TMEM132D: variants seen among roughly 807,000 people sequenced by gnomAD.
TMEM132D encodes the protein mature OL transmembrane protein.
In TMEM132D, 21 loss-of-function variants were observed where a neutral mutation model predicts 62.3. The ratio of observed to expected loss-of-function variants is 0.34; its 90% confidence interval spans 0.24 to 0.49. The LOEUF (loss-of-function observed/expected upper bound fraction) is 0.49, where lower values mean the gene tolerates loss of function less well. TMEM132D is among the 20% of genes least tolerant of loss of function. The pLI is 0.99. For synonymous variants in TMEM132D, 621 were observed against 575.6 expected (o/e 1.08, Z -1.13); for missense variants, 1,346 against 1,402.8 (o/e 0.96, Z 0.65).
Position 129,106,391 on chromosome 12 carries a change from A to G in TMEM132D, c.1444-21689T>C, listed in dbSNP as rs955302450. On this transcript the variant is annotated intron_variant, in intron 5 of 8. Transcript: ENST00000422113. ...TGTAACTAACCTGCACATTGTGCAC[A>G]TGTACCCTAAAACTTAAAGTATAAT... Among the ~76,000 whole-genome samples the G allele has an allele frequency of 1.1e-4, 16 of 152,152 alleles. No individual in the cohort carries two copies. The South Asian group carries it at 3.3e-3, about 32-fold the overall frequency.
chr12:129,742,187 T>C, intron 1 of TMEM132D, among the ~76,000 whole-genome samples: 1 of 152,210 alleles, frequency 6.6e-6, no homozygotes. Context: ...TGTTAGTCCA[T>C]TTTGCACTGC....
chr12:129,597,017 G>A (rs1029271161), intron 2 of TMEM132D, among the ~76,000 whole-genome samples: 1 of 152,204 alleles, frequency 6.6e-6, no homozygotes, highest in Non-Finnish European at 1.5e-5. Flanking sequence ...GCAGGTGAGA[G>A]TGTGAATACA....
chr12:129,510,062 G>A (rs2137073224), intron 3 of TMEM132D, among the ~76,000 whole-genome samples: 1 of 152,222 alleles, frequency 6.6e-6, no homozygotes, highest in Non-Finnish European at 1.5e-5. Flanking sequence ...CTGCATAGTG[G>A]CTGTATTGAT....
At position 129,831,858 on chromosome 12, in the gene TMEM132D, TTTTC is replaced by T. The variant is rs777951688; in HGVS notation, c.79+71399_79+71402del. ...GTTGAAGCATTTTTTTTTCTTTTCT[TTTTC>T]TTTCTTTCTTTTTCTTTTTTTTTTT... On this transcript the variant is annotated intron_variant, in intron 1 of 8. Transcript: ENST00000422113. Among the ~76,000 whole-genome samples the T allele has an allele frequency of 8.3e-4, 114 of 137,092 alleles. 1 individual carries two copies. The highest frequency in any genetic ancestry group is 2.3e-3 in the African/African-American group (89 of 39,006). The allele number at this position is 137,092 out of a possible 152,430, so 89.9% of individuals were successfully genotyped here. A position where few individuals can be genotyped will look rare whatever the true frequency, so the allele number is the denominator to read the frequency against.
Position 129,373,619 on chromosome 12 carries a change from G to A in TMEM132D, c.1116-35802C>T, listed in dbSNP as rs368063251. On this transcript the variant is annotated intron_variant, in intron 3 of 8. Transcript: ENST00000422113. Reference sequence around the variant, plus strand: ...TGCACTCCAGCCTGGGCAACAGAGCGAGACTTGTCTCAAACAAACAAAACA... The same window carrying A: ...TGCACTCCAGCCTGGGCAACAGAGCAAGACTTGTCTCAAACAAACAAAACA... Among the ~76,000 whole-genome samples the A allele has an allele frequency of 4.1e-4, 62 of 152,156 alleles. No individual in the cohort carries two copies. The East Asian group carries it at 4.6e-3, about 11-fold the overall frequency.
At chr12:129,160,590 T>G (rs1877373777) in intron 5 of TMEM132D, among the ~76,000 whole-genome samples, 1 of 152,228 alleles carries the variant, frequency 6.6e-6, no homozygotes, top group Admixed American at 6.5e-5. Flanking sequence ...TAGTAGTGTT[T>G]GAACCCATGT....
chr12:129,818,560 GTATGTGTGTA>G (rs1288172833), intron 1 of TMEM132D, among the ~76,000 whole-genome samples: 2 of 146,034 alleles, frequency 1.4e-5, no homozygotes, highest in African/African-American at 5.1e-5. Flanking sequence ...GTGGTGAGGT[GTATGTGTGTA>G]TGTGTATGTG....
chr12:129,143,242 G>A (rs1876794234), intron 5 of TMEM132D, among the ~76,000 whole-genome samples: 1 of 152,046 alleles, frequency 6.6e-6, no homozygotes, highest in Non-Finnish European at 1.5e-5. Flanking sequence ...TTGCTAGAGT[G>A]GCTCACAAAA....
At chr12:129,504,883 T>C (rs759955254) in intron 3 of TMEM132D, among the ~76,000 whole-genome samples, 42 of 152,342 alleles carry the variant, frequency 2.8e-4, no homozygotes, top group Non-Finnish European at 3.5e-4. Context: ...CTGCCTTTGC[T>C]GTATCCCACA....
intron 2 of TMEM132D, among the ~76,000 whole-genome samples, chr12:129,583,048 T>A (rs1877922233): frequency 6.6e-6 from 1 of 152,224 alleles, no homozygotes. Flanking sequence ...GACTTTGTGA[T>A]CTGCCCACCT....
At chr12:129,811,631 T>C (rs1872186452) in intron 1 of TMEM132D, among the ~76,000 whole-genome samples, 1 of 151,592 alleles carries the variant, frequency 6.6e-6, no homozygotes, top group African/African-American at 2.4e-5. Context: ...TTCGCAAATA[T>C]GAAGAAAGTT....
At chr12:129,448,252 T>C (rs550459208) in intron 3 of TMEM132D, among the ~76,000 whole-genome samples, 11 of 152,214 alleles carry the variant, frequency 7.2e-5, no homozygotes, top group African/African-American at 2.6e-4. Context: ...TTATGGGGTA[T>C]ATGTGCAGGT....
intron 2 of TMEM132D, among the ~76,000 whole-genome samples, chr12:129,676,142 A>C (rs1014642517): frequency 3.3e-5 from 5 of 152,172 alleles, no homozygotes; most frequent in Admixed American, 3.3e-4. Flanking sequence ...GCCAAAGCAC[A>C]AAGGAGGCAA....
At chr12:129,144,004 G>T (rs1876818353) in intron 5 of TMEM132D, among the ~76,000 whole-genome samples, 1 of 152,068 alleles carries the variant, frequency 6.6e-6, no homozygotes, top group Non-Finnish European at 1.5e-5. Context: ...CAGCTGCCTT[G>T]ATTTATTATT....
intron 1 of TMEM132D, among the ~76,000 whole-genome samples, chr12:129,875,400 G>A (rs1874383673): frequency 6.6e-6 from 1 of 152,186 alleles, no homozygotes; most frequent in Admixed American, 6.5e-5. Context: ...CAGAGTTCTG[G>A]AGGCTGGAAA....
intron 5 of TMEM132D, among the ~76,000 whole-genome samples, chr12:129,169,354 GA>G (rs145666644): frequency 0.053 from 8,098 of 152,230 alleles, 729 homozygotes; most frequent in African/African-American, 0.18. Flanking sequence ...TGTGAGACAT[GA>G]ATGGTGTGAG....
intron 3 of TMEM132D, among the ~76,000 whole-genome samples, chr12:129,351,793 C>A (rs562738593): frequency 6.6e-6 from 1 of 152,218 alleles, no homozygotes; most frequent in South Asian, 2.1e-4. Context: ...TCAACGCTTT[C>A]TTAAATTGGA....
intron 5 of TMEM132D, among the ~76,000 whole-genome samples, chr12:129,189,055 G>A (rs1312564378): frequency 6.6e-6 from 1 of 151,658 alleles, no homozygotes; most frequent in African/African-American, 2.4e-5. Context: ...CAAAAAAGTA[G>A]GGATTGCAGG....
intron 4 of TMEM132D, among the ~76,000 whole-genome samples, chr12:129,276,290 A>C (rs1185602270): frequency 6.6e-6 from 1 of 152,250 alleles, no homozygotes; most frequent in Admixed American, 6.5e-5. Flanking sequence ...CATTTTCTTG[A>C]ATAGCAGCTT....
Sources: gnomAD v4.1 joint callset for allele counts (sites outside exome capture counted in the v4.1 genomes callset) on GRCh38, gnomAD v4.1.1 for gene constraint, MANE v1.5 for transcripts, NCBI Gene and HGNC (gene_info 2026-07-23, HGNC 2026-07-21) for gene names.